The following ZC3H12D variants were observed in gnomAD, a reference collection of about 807,000 sequenced individuals.
The protein encoded by ZC3H12D is probable ribonuclease ZC3H12D.
ZC3H12D carries 11 observed loss-of-function variants against 24.2 expected under a neutral mutation model. The ratio of observed to expected loss-of-function variants is 0.46; its 90% CI spans 0.29 to 0.75. ZC3H12D has a LOEUF of 0.75. Among genes scored for constraint, ZC3H12D ranks in the 30% least tolerant of loss-of-function variants. The pLI, the probability that ZC3H12D is intolerant of heterozygous loss-of-function variation, is 0.11. For missense variants in ZC3H12D, 740 were observed against 767.7 expected (o/e 0.96, Z 0.43); for synonymous variants, 333 against 341.8 (o/e 0.97, Z 0.28).
In ZC3H12D at chr6:149,456,580, C is replaced by T; in HGVS notation, c.680+86G>A. The T allele has an allele frequency of 8.3e-7, 1 of 1,203,228 alleles. No individual in the cohort carries two copies. Among genetic ancestry groups the T allele is most frequent in the Non-Finnish European group, 1.2e-6 (1 of 854,344 alleles). 74.5% of individuals were successfully genotyped at this position (1,203,228 alleles called of 1,614,324 possible). On this transcript the variant is annotated intron_variant, in intron 4 of 5. Coordinates refer to ENST00000409806, the MANE Select transcript of ZC3H12D (RefSeq NM_207360.3). This position sits in a 1 kb window ranked among gnomAD's most constrained non-coding sequence, Gnocchi z 4.3. ...GTGACCGGGTGACCCCAAGCTCCTC[C>T]ACCTGGTAGCAGGCGTGGCCACTGC...
rs1042289150 is a variant in ZC3H12D, at chr6:149,449,039, G to T, written c.*1644C>A. 1 of 152,282 alleles carries T rather than the reference G, an allele frequency of 6.6e-6. No individual in the cohort carries two copies. Among genetic ancestry groups the T allele is most frequent in the African/African-American group, 2.4e-5 (1 of 41,466 alleles). 9.4% of individuals were successfully genotyped at this position (152,282 alleles called of 1,614,324 possible). A position where few individuals can be genotyped will look rare whatever the true frequency, so the allele number is the denominator to read the frequency against. On this transcript the variant is annotated 3_prime_UTR_variant, in exon 6 of 6. Transcript: ENST00000409806. ...AGCCATAGTCTGGAGGGCTGGCATG[G>T]TAACCAGAATGGGTGGATGCTGCCA... is the stretch of plus-strand genomic sequence containing the variant.
At chr6:149,465,845 G>T (rs1776151938) in intron 2 of ZC3H12D, among the ~76,000 whole-genome samples, 1 of 151,648 alleles carries the variant, frequency 6.6e-6, no homozygotes, top group African/African-American at 2.4e-5. Context: ...GGAAGGAGGA[G>T]GAGGTCCTCA....
chr6:149,483,016 C>T (rs1325731444), intron 1 of ZC3H12D: 3 of 153,506 alleles, frequency 2.0e-5, no homozygotes, highest in Non-Finnish European at 2.9e-5. Context: ...CACTTAACAC[C>T]TCGCCCCTGC....
chr6:149,451,254 TCCGGGGACCCCCGCG>T lies in ZC3H12D; in HGVS notation c.998_1012del (p.Ala333_Pro337del). 1 of 1,298,914 alleles carries T rather than the reference TCCGGGGACCCCCGCG, an allele frequency of 7.7e-7. No individual in the cohort carries two copies. Among genetic ancestry groups the T allele is most frequent in the Non-Finnish European group, 9.7e-7 (1 of 1,030,402 alleles). 80.5% of individuals were successfully genotyped at this position (1,298,914 alleles called of 1,614,324 possible). On this transcript the variant is annotated inframe_deletion, in exon 6 of 6. Coordinates refer to ENST00000409806, the MANE Select transcript of ZC3H12D (RefSeq NM_207360.3). ...GAAGCTCCCTCGCAGGGCGGCCAGG[TCCGGGGACCCCCGCG>T]CCGGCGGGAGGCTGTGCGCAAATGG...
intron 2 of ZC3H12D, among the ~76,000 whole-genome samples, chr6:149,463,547 A>G (rs1776107772): frequency 6.6e-6 from 1 of 152,198 alleles, no homozygotes; most frequent in South Asian, 2.1e-4. Flanking sequence ...TGTCTCTACT[A>G]AAAATACAAA....
At chr6:149,455,530 C>A (rs1775965425) in intron 4 of ZC3H12D, among the ~76,000 whole-genome samples, 2 of 152,190 alleles carry the variant, frequency 1.3e-5, no homozygotes, top group South Asian at 4.1e-4. Flanking sequence ...GGTCTCCAGA[C>A]CCTCATCCAC....
chr6:149,482,760 T>C (rs1776445612), intron 1 of ZC3H12D, among the ~76,000 whole-genome samples: 1 of 152,108 alleles, frequency 6.6e-6, no homozygotes, highest in Admixed American at 6.5e-5. Flanking sequence ...TTGTATATTA[T>C]CACATCTATG....
chr6:149,478,037 T>A (rs923468413), intron 1 of ZC3H12D, among the ~76,000 whole-genome samples: 1 of 151,700 alleles, frequency 6.6e-6, no homozygotes, highest in Non-Finnish European at 1.5e-5. Flanking sequence ...CATGGTGGGG[T>A]GCACCTGTAG....
At position 149,459,382 on chromosome 6, in the gene ZC3H12D, A is replaced by C. The variant is rs1166388381; in HGVS notation, c.445+2449T>G. ...AATGAAAGGTGGGGGGAGATCTATA[A>C]TCATGTTAAAAGTAGGTTTGGGGAC... On this transcript the variant is annotated intron_variant, in intron 3 of 5. Transcript: ENST00000409806. 2.3e-5 allele frequency: 13 copies of C among 555,552 alleles called. No individual in the cohort carries two copies. The East Asian group carries it at 3.9e-4, about 17-fold the overall frequency. 34.4% of individuals were successfully genotyped at this position (555,552 alleles called of 1,614,324 possible).
chr6:149,465,851 C>T (rs1776152254), intron 2 of ZC3H12D, among the ~76,000 whole-genome samples: 1 of 151,886 alleles, frequency 6.6e-6, no homozygotes, highest in Admixed American at 6.6e-5. Flanking sequence ...AGGAGGAGGT[C>T]CTCACCCCAC....
At chr6:149,473,693 C>A (rs1426808811) in intron 2 of ZC3H12D, among the ~76,000 whole-genome samples, 1 of 152,356 alleles carries the variant, frequency 6.6e-6, no homozygotes, top group East Asian at 1.9e-4. Context: ...CCAGCAACCC[C>A]AGCAGAGGGC....
chr6:149,452,427 C>A lies in ZC3H12D; in HGVS notation c.787+189G>T. ...TGGGATCCTGGCTCCCATGAAATCA[C>A]CGGCCAGGATGTCAGTTCTACAATA... On this transcript the variant is annotated intron_variant, in intron 5 of 5. Coordinates refer to ENST00000409806, the MANE Select transcript of ZC3H12D (RefSeq NM_207360.3). The surrounding 1 kb of genome is among the most constrained non-coding windows in gnomAD (Gnocchi z 4.0). 2.0e-6 allele frequency: 1 copy of A among 488,386 alleles called. No homozygotes were observed. Among genetic ancestry groups the A allele is most frequent in the Non-Finnish European group, 3.5e-6 (1 of 283,950 alleles). 30.3% of individuals were successfully genotyped at this position (488,386 alleles called of 1,614,324 possible).
Position 149,452,565 on chromosome 6 carries a change from C to T in ZC3H12D, c.787+51G>A, listed in dbSNP as rs772096883. ...GCTTTTTGACTGTGCTCCTGTACTG[C>T]CCCCACACAAGGCCCTGAACAGGGC... On this transcript the variant is annotated intron_variant, in intron 5 of 5. Coordinates refer to ENST00000409806, the MANE Select transcript of ZC3H12D (RefSeq NM_207360.3). This position sits in a 1 kb window ranked among gnomAD's most constrained non-coding sequence, Gnocchi z 4.0. 2 of 1,403,910 alleles carry T rather than the reference C, an allele frequency of 1.4e-6. No homozygotes were observed. The highest frequency in any genetic ancestry group is 1.5e-5 in the African/African-American group (1 of 68,392). The allele number at this position is 1,403,910 out of a possible 1,614,324, so 87.0% of individuals were successfully genotyped here.
At chr6:149,482,394 T>C (rs1776441320) in intron 1 of ZC3H12D, among the ~76,000 whole-genome samples, 1 of 152,226 alleles carries the variant, frequency 6.6e-6, no homozygotes, top group East Asian at 1.9e-4. Flanking sequence ...AACGACTTCA[T>C]TTCAGTTTCC....
intron 2 of ZC3H12D, among the ~76,000 whole-genome samples, chr6:149,473,887 G>A (rs1014842953): frequency 2.6e-5 from 4 of 152,002 alleles, no homozygotes; most frequent in African/African-American, 7.2e-5. Flanking sequence ...GACCCAGGGC[G>A]CCTCCCTCAT....
rs12529762 is a variant in ZC3H12D, at chr6:149,467,719, G to A, written c.306-5749C>T. ...ATGTGTCCATCTCTCTGATCTAGGG[G>A]CAGCCCTCAAAGCCTGACCCCTTAG... On this transcript the variant is annotated intron_variant, in intron 2 of 5. Transcript: ENST00000409806. 2.1e-3 allele frequency among the ~76,000 whole-genome samples: 319 copies of A among 152,218 alleles called. 4 individuals carry two copies. The highest frequency in any genetic ancestry group is 0.016 in the Admixed American group (250 of 15,278).
In ZC3H12D at chr6:149,481,229, G is replaced by A. The variant is rs117512325; in HGVS notation, c.-71+3584C>T. 2.9e-3 allele frequency among the ~76,000 whole-genome samples: 444 copies of A among 151,826 alleles called. 6 individuals carry two copies. The highest frequency in any genetic ancestry group is 0.027 in the Middle Eastern group (8 of 294). On this transcript the variant is annotated intron_variant, in intron 1 of 5. Coordinates refer to ENST00000409806, the MANE Select transcript of ZC3H12D (RefSeq NM_207360.3). The stretch of plus-strand genomic sequence containing the variant: ...TCCCTCCCCACGCAGGCACTGTGAC[G>A]TTTGTTTTAATTTGGAAGAAAAAGA...
At chr6:149,476,706 G>A (rs7745943) in intron 1 of ZC3H12D, among the ~76,000 whole-genome samples, 2,346 of 152,204 alleles carry the variant, frequency 0.015, 52 homozygotes, top group African/African-American at 0.053. Context: ...TACTTAGGAG[G>A]CTGAGACGGG....
intron 1 of ZC3H12D, among the ~76,000 whole-genome samples, chr6:149,477,437 C>T (rs1776359349): frequency 6.6e-6 from 1 of 152,372 alleles, no homozygotes; most frequent in African/African-American, 2.4e-5. Flanking sequence ...TTTCACAGTC[C>T]TTGCCTTATG....
Sources: allele counts gnomAD v4.1 joint callset (sites outside exome capture counted in the v4.1 genomes callset), GRCh38; gene constraint gnomAD v4.1.1; non-coding constraint Gnocchi (gnomAD v3.1); transcripts MANE v1.5; gene names NCBI Gene and HGNC (gene_info 2026-07-23, HGNC 2026-07-21).